Variants in SIRT2 observed in about 807,000 individuals in gnomAD.
The protein encoded by SIRT2 is sirtuin 2, also known as NAD-dependent protein deacetylase sirtuin-2.
Under a neutral mutation model 57.4 loss-of-function variants are expected in SIRT2, and 40 were observed. The ratio of observed to expected loss-of-function variants is 0.70; its 90% CI spans 0.54 to 0.91. SIRT2 has a LOEUF of 0.91. Ranked by LOEUF, SIRT2 falls within the 40% of genes least tolerant of loss-of-function variation. The pLI is 0.00. For missense variants in SIRT2, 439 were observed against 510.4 expected, an observed-to-expected ratio of 0.86 and a Z score of 1.35; for synonymous variants, 161 against 195.7, an observed-to-expected ratio of 0.82 and a Z score of 1.48.
At chr19:38,894,596 C>A (rs1973656530) in intron 2 of SIRT2, among the ~76,000 whole-genome samples, 1 of 152,066 alleles carries the variant, frequency 6.6e-6, no homozygotes, top group Non-Finnish European at 1.5e-5. Context: ...TCCCAGCAGC[C>A]CTGGGGGCCT....
At chr19:38,884,872 C>T (rs1973276407) in intron 8 of SIRT2, among the ~76,000 whole-genome samples, 1 of 148,234 alleles carries the variant, frequency 6.7e-6, no homozygotes, top group South Asian at 2.2e-4. Flanking sequence ...TCAGCCTCCA[C>T]ATCTGGCTGA....
intron 9 of SIRT2, among the ~76,000 whole-genome samples, chr19:38,883,075 GTTT>G (rs61706756): frequency 1.1e-3 from 117 of 110,384 alleles, no homozygotes; most frequent in African/African-American, 4.1e-3. Flanking sequence ...GTGACTTCTT[GTTT>G]TTTTTTTTTT....
In SIRT2 at chr19:38,879,301, C is replaced by T. The variant is rs1294098915; in HGVS notation, c.1024G>A (p.Glu342Lys). ...GCGTGCTCCCTCCGGACAAGGTCCTCCAGCTCCTTCTGCAGGAGCAAAGGT... is the reference window on the plus strand; with the variant it reads ...GCGTGCTCCCTCCGGACAAGGTCCTTCAGCTCCTTCTGCAGGAGCAAAGGT... Reference protein sequence around the residue: ...AELLGWKKELEDLVRREHASI... With the variant: ...AELLGWKKELKDLVRREHASI... The change falls in exon 16 of 16, where the codon GAG becomes AAG. Residue 342 changes from glutamate to lysine, a missense_variant. Glu to Lys is a moderately conservative substitution (Grantham distance 56, BLOSUM62 1). Transcript: ENST00000249396. The T allele has an allele frequency of 1.2e-6, 2 of 1,613,412 alleles. No individual in the cohort carries two copies. Among genetic ancestry groups the T allele is most frequent in the Non-Finnish European group, 1.7e-6 (2 of 1,179,914 alleles).
chr19:38,897,948 C>T (rs941889044), intron 2 of SIRT2, among the ~76,000 whole-genome samples: 5 of 152,318 alleles, frequency 3.3e-5, no homozygotes, highest in South Asian at 2.1e-4. Flanking sequence ...AAGCGATCCT[C>T]GCGCCTCAGT....
chr19:38,890,836 A>T lies in SIRT2; in HGVS notation c.227-692T>A, dbSNP rs140753915. On this transcript the variant is annotated intron_variant, in intron 4 of 15. Transcript: ENST00000249396. Reference sequence around the variant, plus strand: ...TGGTGAGTAGCCACCAGGCCATAGTACCCTGGCATCTGCCCATCAGCTGAT... The same window carrying T: ...TGGTGAGTAGCCACCAGGCCATAGTTCCCTGGCATCTGCCCATCAGCTGAT... 1.2e-3 allele frequency among the ~76,000 whole-genome samples: 183 copies of T among 152,318 alleles called. 1 individual carries two copies. The Middle Eastern group carries it at 0.017, about 14-fold the overall frequency.
At chr19:38,881,003 GTGACC>G in intron 11 of SIRT2, 92 bp downstream of exon 11, 2 of 1,544,858 alleles carry the variant, frequency 1.3e-6, no homozygotes, top group South Asian at 2.3e-5. Context: ...AGCTGGGGAG[GTGACC>G]TTTCCTGAGG....
chr19:38,891,331 C>G (rs1486739408), intron 4 of SIRT2, among the ~76,000 whole-genome samples: 1 of 152,200 alleles, frequency 6.6e-6, no homozygotes. Context: ...GGCAGATCAC[C>G]TGAGGTCAGG....
rs150220206 is a variant in SIRT2, at chr19:38,881,469, C to T, written c.654G>A (p.Thr218=). 2.9e-5 allele frequency: 46 copies of T among 1,613,890 alleles called. No individual in the cohort carries two copies. Among genetic ancestry groups the T allele is most frequent in the South Asian group, 4.4e-5 (4 of 91,064 alleles). ...GGCTCTGACAGTCTTCACACTTGGG[C>T]GTCACCTCAGAGAAGATCTTCTCTG... ...WMKEKIFSEV[T]PKCEDCQSLV... The change falls in exon 10 of 16, where the codon ACG becomes ACA. Residue 218 remains threonine (T), a synonymous_variant. Transcript: ENST00000249396.
At chr19:38,883,133 T>A (rs1041579526) in intron 9 of SIRT2, among the ~76,000 whole-genome samples, 16 of 145,168 alleles carry the variant, frequency 1.1e-4, no homozygotes, top group Middle Eastern at 3.4e-3. Context: ...CAAGCTGGAG[T>A]GCAATGGTGC....
Position 38,893,619 on chromosome 19 carries a change from G to A in SIRT2, c.113-92C>T, listed in dbSNP as rs148913312. Reference sequence around the variant, plus strand: ...CCCTGGCCCCAGCCCTGGGGTTCCCGGCCTCCCCACATCTAAAGGCACAAG... The same window carrying A: ...CCCTGGCCCCAGCCCTGGGGTTCCCAGCCTCCCCACATCTAAAGGCACAAG... On this transcript the variant is annotated intron_variant, in intron 3 of 15. Transcript: ENST00000249396. The A allele has an allele frequency of 5.6e-3, 6,716 of 1,198,822 alleles. 61 individuals carry two copies. Among genetic ancestry groups the A allele is most frequent in the Middle Eastern group, 0.016 (76 of 4,900 alleles). The allele number at this position is 1,198,822 out of a possible 1,614,324, so 74.3% of individuals were successfully genotyped here.
At chr19:38,889,233 T>C in intron 7 of SIRT2, 78 bp from the exon 8 acceptor site, 2 of 1,346,576 alleles carry the variant, frequency 1.5e-6, no homozygotes, top group Non-Finnish European at 2.1e-6. Flanking sequence ...GGAACTGTTC[T>C]AGGCACTGTG....
chr19:38,892,999 C>A (rs1177210643), intron 4 of SIRT2, among the ~76,000 whole-genome samples: 1 of 152,086 alleles, frequency 6.6e-6, no homozygotes, highest in African/African-American at 2.4e-5. Flanking sequence ...AATGGAGAAG[C>A]GACCCAGGTC....
chr19:38,884,653 T>A (rs1386792370), intron 8 of SIRT2, among the ~76,000 whole-genome samples: 1 of 152,164 alleles, frequency 6.6e-6, no homozygotes, highest in African/African-American at 2.4e-5. Flanking sequence ...TTCACCATGT[T>A]GGCTAGGCTG....
rs759725680 is a variant in SIRT2, at chr19:38,880,699, C to A, written c.862G>T (p.Glu288Ter). 2 of 1,577,068 alleles carry A rather than the reference C, an allele frequency of 1.3e-6. No homozygotes were observed. The highest frequency in any genetic ancestry group is 3.5e-4 in the Middle Eastern group (2 of 5,694). ...LSTPRLLINKEKAGQSDPFLG... is the reference protein window; with the variant it reads ...LSTPRLLINK ...AGGGCTCTTACCTGGCCAGCTTTCT[C>A]CTTGTTGATGAGCAGGCGAGGGGTG... The change falls in exon 13 of 16, where the codon GAG becomes TAG. Residue 288 changes from glutamate to a stop codon, truncating the protein, a stop_gained. Transcript: ENST00000249396. LOFTEE classifies it high-confidence loss of function. The surrounding 1 kb of genome is among the most constrained non-coding windows in gnomAD (Gnocchi z 4.1).
chr19:38,889,031 A>C, intron 8 of SIRT2, 56 bp downstream of exon 8: 1 of 1,519,792 alleles, frequency 6.6e-7, no homozygotes, highest in Middle Eastern at 1.7e-4. Flanking sequence ...TCTGCTGAGG[A>C]CACCATGCCC....
In SIRT2 at chr19:38,891,277, G is replaced by A. The variant is rs917201255; in HGVS notation, c.227-1133C>T. Among the ~76,000 whole-genome samples, 82 of 152,290 alleles carry A rather than the reference G, an allele frequency of 5.4e-4. 1 individual carries two copies. Among genetic ancestry groups the A allele is most frequent in the Admixed American group, 5.9e-4 (9 of 15,304 alleles). ...AAAAGAAATTTTTAGGGCCGGGCCC[G>A]GTGGCTCACTCCTGTAATCCCAGCA... is the stretch of plus-strand genomic sequence containing the variant. On this transcript the variant is annotated intron_variant, in intron 4 of 15. Transcript: ENST00000249396.
intron 2 of SIRT2, 114 bp from the exon 3 acceptor site, chr19:38,893,981 T>C: frequency 2.6e-6 from 4 of 1,559,740 alleles, no homozygotes; most frequent in Non-Finnish European, 3.5e-6. Context: ...CCTGAGGAAG[T>C]GCGGGGTGGT....
chr19:38,884,568 T>C (rs1973266672), intron 8 of SIRT2, among the ~76,000 whole-genome samples: 1 of 151,948 alleles, frequency 6.6e-6, no homozygotes, highest in South Asian at 2.1e-4. Context: ...CCTGCCTCAG[T>C]CTCCCAAGTA....
At chr19:38,883,494 C>G in intron 9 of SIRT2, 133 bp downstream of exon 9, 3 of 1,226,458 alleles carry the variant, frequency 2.4e-6, no homozygotes, top group Non-Finnish European at 3.4e-6. Flanking sequence ...GAGTGAGACT[C>G]TGTCTCAAAA....
Sources: allele counts gnomAD v4.1 joint callset (sites outside exome capture counted in the v4.1 genomes callset), GRCh38; gene constraint gnomAD v4.1.1; non-coding constraint Gnocchi (gnomAD v3.1); transcripts MANE v1.5; gene names NCBI Gene and HGNC (gene_info 2026-07-23, HGNC 2026-07-21).